Variants in YES1 observed in about 807,000 individuals in gnomAD.
YES1 encodes YES proto-oncogene 1, Src family tyrosine kinase.
In YES1, 39 loss-of-function variants were observed where a neutral mutation model predicts 70.4. The ratio of observed to expected loss-of-function variants is 0.55; its 90% CI spans 0.43 to 0.72. The LOEUF is 0.72. Among genes scored for constraint, YES1 ranks in the 30% least tolerant of loss-of-function variants. The pLI, the probability that YES1 is intolerant of heterozygous loss-of-function variation, is 0.00. For missense variants in YES1, 495 were observed against 644.8 expected (o/e 0.77, Z 2.52); for synonymous variants, 198 against 218.6 (o/e 0.91, Z 0.83).
chr18:742,555 T>C (rs2080228390), intron 8 of YES1, among the ~76,000 whole-genome samples: 1 of 152,202 alleles, frequency 6.6e-6, no homozygotes, highest in African/African-American at 2.4e-5. Context: ...AACTAATTCA[T>C]TTTAACTTTA....
chr18:750,996 T>C (rs900241151), intron 3 of YES1, among the ~76,000 whole-genome samples: 4 of 152,224 alleles, frequency 2.6e-5, no homozygotes, highest in Non-Finnish European at 5.9e-5. Flanking sequence ...GTTGTTATCA[T>C]TGTCGTTTTC....
chr18:728,583 G>A (rs1460281970), intron 11 of YES1, among the ~76,000 whole-genome samples: 2 of 152,112 alleles, frequency 1.3e-5, no homozygotes, highest in African/African-American at 4.8e-5. Context: ...CTGGAGTGCA[G>A]TAGTGCAATC....
intron 1 of YES1, among the ~76,000 whole-genome samples, chr18:764,292 G>A (rs570595824): frequency 7.9e-5 from 12 of 152,112 alleles, no homozygotes; most frequent in South Asian, 4.2e-4. Context: ...GTACAATCCC[G>A]GCACACTACA....
intron 1 of YES1, among the ~76,000 whole-genome samples, chr18:772,736 T>A (rs1474797559): frequency 2.0e-5 from 3 of 152,062 alleles, no homozygotes; most frequent in Admixed American, 2.0e-4. Flanking sequence ...CCGGCCAGCA[T>A]CTCTATTTCT....
intron 11 of YES1, among the ~76,000 whole-genome samples, chr18:729,913 C>T (rs2080068655): frequency 1.3e-5 from 2 of 152,230 alleles, no homozygotes; most frequent in Admixed American, 1.3e-4. Context: ...GCGTGAGCCA[C>T]AGCGCCCAGC....
At chr18:782,891 C>T (rs958757423) in intron 1 of YES1, among the ~76,000 whole-genome samples, 7 of 152,236 alleles carry the variant, frequency 4.6e-5, no homozygotes, top group Admixed American at 2.0e-4. Flanking sequence ...GACAGGGTTT[C>T]GCCATATTAG....
intron 1 of YES1, among the ~76,000 whole-genome samples, chr18:765,248 C>CTGTATA (rs1904828357): frequency 1.1e-5 from 1 of 91,488 alleles, no homozygotes; most frequent in East Asian, 6.3e-4. Flanking sequence ...AGAGTTACAA[C>CTGTATA]TATATATATA....
At chr18:755,620 T>G (rs569600981) in intron 2 of YES1, among the ~76,000 whole-genome samples, 1 of 152,064 alleles carries the variant, frequency 6.6e-6, no homozygotes, top group Non-Finnish European at 1.5e-5. Flanking sequence ...ATGCTTGTAG[T>G]GGGGATTTAT....
intron 1 of YES1, among the ~76,000 whole-genome samples, chr18:802,379 C>G (rs1906870585): frequency 6.6e-6 from 1 of 152,018 alleles, no homozygotes; most frequent in Admixed American, 6.6e-5. Flanking sequence ...ACCAGCCTGA[C>G]TAAAAATACA....
At chr18:800,179 C>A (rs1409276862) in intron 1 of YES1, among the ~76,000 whole-genome samples, 1 of 152,232 alleles carries the variant, frequency 6.6e-6, no homozygotes, top group Non-Finnish European at 1.5e-5. Flanking sequence ...GTGGTTACTG[C>A]ATGAGCTTTT....
intron 4 of YES1, among the ~76,000 whole-genome samples, chr18:746,999 T>C (rs1326626696): frequency 6.6e-6 from 1 of 152,210 alleles, no homozygotes; most frequent in African/African-American, 2.4e-5. Context: ...CAGTGTGTAC[T>C]TGCTAAAAGA....
At chr18:772,510 G>A (rs975148032) in intron 1 of YES1, among the ~76,000 whole-genome samples, 6 of 151,670 alleles carry the variant, frequency 4.0e-5, no homozygotes, top group Non-Finnish European at 7.4e-5. Flanking sequence ...TCGGCTCACT[G>A]CAACCTCCGC....
chr18:737,111 G>C (rs1199814346), intron 9 of YES1, 150 bp from the exon 10 acceptor site: 2 of 634,784 alleles, frequency 3.2e-6, no homozygotes, highest in Non-Finnish European at 5.0e-6. Flanking sequence ...GAAGATAACA[G>C]GAAAACCAGA....
At chr18:792,296 T>C (rs1192614513) in intron 1 of YES1, among the ~76,000 whole-genome samples, 1 of 151,904 alleles carries the variant, frequency 6.6e-6, no homozygotes, top group East Asian at 1.9e-4. Context: ...AGAGTGAGAC[T>C]TCATCTCGAA....
chr18:733,256 T>C (rs376619663), intron 10 of YES1, among the ~76,000 whole-genome samples: 1 of 152,214 alleles, frequency 6.6e-6, no homozygotes, highest in East Asian at 1.9e-4. Flanking sequence ...CAAAGATACA[T>C]GTTATAATAT....
chr18:727,542 A>G (rs1354436247), intron 11 of YES1, among the ~76,000 whole-genome samples: 3 of 152,154 alleles, frequency 2.0e-5, no homozygotes, highest in African/African-American at 7.2e-5. Flanking sequence ...ATTTGATTAA[A>G]CAAGCATTTT....
chr18:758,876 T>A (rs1392866281), intron 1 of YES1, among the ~76,000 whole-genome samples: 1 of 152,248 alleles, frequency 6.6e-6, no homozygotes, highest in African/African-American at 2.4e-5. Context: ...ATCTGCATTA[T>A]TCTATTCACT....
intron 10 of YES1, chr18:735,915 C>A (rs2145687623): frequency 1.3e-5 from 2 of 152,440 alleles, no homozygotes; most frequent in South Asian, 4.0e-4. Flanking sequence ...TCACGCCTGC[C>A]ATTTTAGCAC....
At chr18:788,144 T>C (rs575201800) in intron 1 of YES1, among the ~76,000 whole-genome samples, 6 of 152,194 alleles carry the variant, frequency 3.9e-5, no homozygotes, top group Non-Finnish European at 8.8e-5. Flanking sequence ...TGGAGTGAAA[T>C]AATGAAGTAA....
Sources: allele counts gnomAD v4.1 joint callset (sites outside exome capture counted in the v4.1 genomes callset), GRCh38; gene constraint gnomAD v4.1.1; transcripts MANE v1.5; gene names NCBI Gene and HGNC (gene_info 2026-07-23, HGNC 2026-07-21).